The following POU6F2 variants were observed in gnomAD, a reference collection of about 807,000 sequenced individuals.
POU6F2 encodes POU domain, class 6, transcription factor 2.
POU6F2 carries 31 observed loss-of-function variants against 71.3 expected under a neutral mutation model. The observed-to-expected ratio is 0.43, with a 90% CI of 0.33 to 0.59. The LOEUF (loss-of-function observed/expected upper bound fraction) is 0.59, where lower values mean the gene tolerates loss of function less well. POU6F2 is among the 20% of genes least tolerant of loss of function. The pLI is 0.04. For synonymous variants in POU6F2, 347 were observed against 355.7 expected (o/e 0.98, Z 0.27); for missense variants, 783 against 856.8 (o/e 0.91, Z 1.07).
chr7:39,220,217 C>G (rs1390192081), intron 4 of POU6F2, among the ~76,000 whole-genome samples: 3 of 152,146 alleles, frequency 2.0e-5, no homozygotes, highest in Admixed American at 6.5e-5. Context: ...GAAAGGTGTG[C>G]CACTTCCCCA....
At chr7:39,159,345 C>A (rs1037737258) in intron 2 of POU6F2, among the ~76,000 whole-genome samples, 2 of 151,944 alleles carry the variant, frequency 1.3e-5, no homozygotes, top group African/African-American at 4.8e-5. Flanking sequence ...CTGTTTCTTC[C>A]CCAATCCATT....
In POU6F2 at chr7:39,465,405, T is replaced by G. The variant is rs1399996007; in HGVS notation, c.*719T>G. On this transcript the variant is annotated 3_prime_UTR_variant, in exon 10 of 10. Transcript: ENST00000518318. ...CCATTCTGTGAGGCTCACTATTGGGTTTTTTTGTGGGGGTGGTAGGGAGGG... is the reference window on the plus strand; with the variant it reads ...CCATTCTGTGAGGCTCACTATTGGGGTTTTTTGTGGGGGTGGTAGGGAGGG... 2.0e-5 allele frequency: 3 copies of G among 152,106 alleles called. No individual in the cohort carries two copies. The highest frequency in any genetic ancestry group is 2.0e-4 in the Admixed American group (3 of 15,270). 9.4% of individuals were successfully genotyped at this position (152,106 alleles called of 1,614,324 possible).
intron 1 of POU6F2, among the ~76,000 whole-genome samples, chr7:39,076,995 C>G (rs780854162): frequency 6.6e-6 from 1 of 152,192 alleles, no homozygotes; most frequent in Non-Finnish European, 1.5e-5. Context: ...CCAAGCAACT[C>G]TACATTCAAA....
chr7:39,306,938 C>T (rs1785058413), intron 4 of POU6F2, among the ~76,000 whole-genome samples: 1 of 152,148 alleles, frequency 6.6e-6, no homozygotes, highest in African/African-American at 2.4e-5. Flanking sequence ...ATGGGCTTTA[C>T]TATTGCAATC....
At chr7:39,239,692 C>G (rs184829818) in intron 4 of POU6F2, among the ~76,000 whole-genome samples, 1 of 152,258 alleles carries the variant, frequency 6.6e-6, no homozygotes, top group African/African-American at 2.4e-5. Context: ...ATGCCTGTCT[C>G]ATGCAAAGCA....
At chr7:39,216,903 C>G (rs1179112657) in intron 4 of POU6F2, among the ~76,000 whole-genome samples, 1 of 151,816 alleles carries the variant, frequency 6.6e-6, no homozygotes, top group African/African-American at 2.4e-5. Flanking sequence ...GTAATTTGAT[C>G]CCAATTGTTT....
chr7:39,221,372 T>TTC lies in POU6F2; in HGVS notation c.598+13764_598+13765dup, dbSNP rs746834451. On this transcript the variant is annotated intron_variant, in intron 4 of 9. Transcript: ENST00000518318. ...AATTTCCATTGATCAGAATCTAAAATTCTCTCTCTCTCTTTTTTTTTTTTT... is the reference window on the plus strand; with the variant it reads ...AATTTCCATTGATCAGAATCTAAAATTCTCTCTCTCTCTCTTTTTTTTTTTTT... Among the ~76,000 whole-genome samples, 203 of 145,838 alleles carry TTC rather than the reference T, an allele frequency of 1.4e-3. 1 individual carries two copies. Among genetic ancestry groups the TTC allele is most frequent in the African/African-American group, 2.2e-3 (89 of 39,712 alleles).
chr7:38,986,834 C>T (rs1454110424), intron 1 of POU6F2, among the ~76,000 whole-genome samples: 1 of 152,142 alleles, frequency 6.6e-6, no homozygotes, highest in African/African-American at 2.4e-5. Flanking sequence ...GCAATCCTTA[C>T]ACAACCCAAG....
chr7:39,156,703 T>C (rs1385522500), intron 2 of POU6F2, among the ~76,000 whole-genome samples: 1 of 152,070 alleles, frequency 6.6e-6, no homozygotes, highest in Non-Finnish European at 1.5e-5. Flanking sequence ...AAAATTAAGG[T>C]ATAGAGAAGT....
intron 2 of POU6F2, among the ~76,000 whole-genome samples, chr7:39,197,954 C>T (rs1793820507): frequency 6.6e-6 from 1 of 152,202 alleles, no homozygotes. Context: ...AGAACTTACA[C>T]TCTTGTAGAG....
At chr7:39,186,461 A>G (rs1161291176) in intron 2 of POU6F2, among the ~76,000 whole-genome samples, 1 of 151,764 alleles carries the variant, frequency 6.6e-6, no homozygotes, top group Non-Finnish European at 1.5e-5. Context: ...ATTACAGTCC[A>G]CCTATATCTA....
chr7:39,237,213 G>A (rs779035931), intron 4 of POU6F2, among the ~76,000 whole-genome samples: 31 of 152,292 alleles, frequency 2.0e-4, no homozygotes, highest in Non-Finnish European at 3.7e-4. Flanking sequence ...AGCTCTAAGC[G>A]TGTGCTTGGA....
intron 4 of POU6F2, among the ~76,000 whole-genome samples, chr7:39,315,928 T>G (rs1785258588): frequency 1.3e-5 from 2 of 152,248 alleles, no homozygotes; most frequent in Non-Finnish European, 2.9e-5. Flanking sequence ...ATGGTTTTTC[T>G]TTTTGATATA....
rs577913554 is a variant in POU6F2 at position 39,205,819 on chromosome 7, G to A, written c.369+1493G>A. ...GGGCTCTGCAGAGTCTCCCCCAAAG[G>A]GTCCTGAAAGGAACACTGCAGGGAA... On this transcript the variant is annotated intron_variant, in intron 3 of 9. Transcript: ENST00000518318. Among the ~76,000 whole-genome samples the A allele has an allele frequency of 2.0e-5, 3 of 152,224 alleles. No individual in the cohort carries two copies. The South Asian group carries it at 6.2e-4, about 32-fold the overall frequency.
At chr7:39,149,350 T>C (rs1792694160) in intron 2 of POU6F2, among the ~76,000 whole-genome samples, 1 of 152,238 alleles carries the variant, frequency 6.6e-6, no homozygotes, top group Non-Finnish European at 1.5e-5. Context: ...ACTTCTTTTT[T>C]TAAGCATTAA....
intron 2 of POU6F2, among the ~76,000 whole-genome samples, chr7:39,180,006 A>G (rs1453984499): frequency 1.3e-5 from 2 of 152,184 alleles, no homozygotes; most frequent in Non-Finnish European, 2.9e-5. Flanking sequence ...TGCCCAATAG[A>G]AAAGGGATCA....
At chr7:39,195,708 T>C (rs747717971) in intron 2 of POU6F2, among the ~76,000 whole-genome samples, 2 of 152,086 alleles carry the variant, frequency 1.3e-5, no homozygotes, top group Non-Finnish European at 2.9e-5. Context: ...GGAAGTCCTG[T>C]AGGTCTGTAA....
intron 4 of POU6F2, among the ~76,000 whole-genome samples, chr7:39,214,857 C>T (rs190642083): frequency 7.2e-5 from 11 of 152,258 alleles, no homozygotes; most frequent in East Asian, 1.9e-4. Flanking sequence ...ACTACAGGAG[C>T]GGGAAGAAGG....
chr7:39,145,552 A>T (rs1792602807), intron 2 of POU6F2, among the ~76,000 whole-genome samples: 1 of 152,214 alleles, frequency 6.6e-6, no homozygotes, highest in African/African-American at 2.4e-5. Flanking sequence ...TCCTAATGTA[A>T]CTGGAATGAC....
Sources: gnomAD v4.1 joint callset for allele counts (sites outside exome capture counted in the v4.1 genomes callset) on GRCh38, gnomAD v4.1.1 for gene constraint, MANE v1.5 for transcripts, NCBI Gene and HGNC (gene_info 2026-07-23, HGNC 2026-07-21) for gene names.